Variants in ARHGEF2 observed in about 807,000 individuals in gnomAD.
ARHGEF2 encodes the protein rho guanine nucleotide exchange factor 2.
ARHGEF2 carries 22 observed loss-of-function variants against 121.0 expected under a neutral mutation model. The ratio of observed to expected loss-of-function variants is 0.18; its 90% confidence interval spans 0.13 to 0.26. The LOEUF is 0.26. Among genes scored for constraint, ARHGEF2 ranks in the 10% least tolerant of loss-of-function variants. ARHGEF2 has a pLI of 1.00. For missense variants in ARHGEF2, 907 were observed against 1,336.0 expected (o/e 0.68, Z 5.01); for synonymous variants, 487 against 530.0 (o/e 0.92, Z 1.11).
At chr1:155,954,995 A>G (rs1160412112) in intron 13 of ARHGEF2, 26 bp from the exon 14 acceptor site, 1 of 1,597,022 alleles carries the variant, frequency 6.3e-7, no homozygotes, top group East Asian at 2.2e-5. Flanking sequence ...GTCGCATGCC[A>G]TTGAGAGACA....
intron 1 of ARHGEF2, chr1:155,969,556 C>G: frequency 6.8e-6 from 9 of 1,332,240 alleles, no homozygotes; most frequent in Non-Finnish European, 8.7e-6. Context: ...GCTGGGCTGC[C>G]TCCTGTTGCC....
intron 13 of ARHGEF2, among the ~76,000 whole-genome samples, chr1:155,955,409 C>T (rs546803106): frequency 5.9e-5 from 9 of 152,006 alleles, no homozygotes; most frequent in Admixed American, 2.6e-4. Flanking sequence ...TGAGCCACCG[C>T]GCCCGGCCGA....
intron 1 of ARHGEF2, among the ~76,000 whole-genome samples, chr1:155,975,678 C>T (rs2102695903): frequency 6.6e-6 from 1 of 152,184 alleles, no homozygotes; most frequent in East Asian, 1.9e-4. Context: ...GCCACCTCTC[C>T]ATTCCTCAGA....
Position 155,951,614 on chromosome 1 carries a change from G to A in ARHGEF2, c.2209-81C>T. 3 of 1,607,746 alleles carry A rather than the reference G, an allele frequency of 1.9e-6. No individual in the cohort carries two copies. The highest frequency in any genetic ancestry group is 2.6e-6 in the Non-Finnish European group (3 of 1,174,328). ...AAAAGTTGAACAAGGGTGGGTGTGG[G>A]GACAGTAGGATCCGGAGACATACTT... On this transcript the variant is annotated intron_variant, in intron 18 of 21. Coordinates refer to ENST00000361247, the MANE Select transcript of ARHGEF2 (RefSeq NM_001162383.2). The surrounding 1 kb of genome is among the most constrained non-coding windows in gnomAD (Gnocchi z 5.1).
intron 1 of ARHGEF2, chr1:155,970,210 G>T: frequency 1.0e-6 from 1 of 985,468 alleles, no homozygotes; most frequent in Non-Finnish European, 1.2e-6. Flanking sequence ...CCATCCTTCA[G>T]TGTTGATCTC....
At chr1:155,968,994 A>T (rs1679971620) in intron 2 of ARHGEF2, 162 bp downstream of exon 2, 1 of 789,094 alleles carries the variant, frequency 1.3e-6, no homozygotes, top group East Asian at 2.7e-5. Context: ...CCTCAGAGTG[A>T]GGACAGGGAG....
chr1:155,971,093 C>G (rs1680367885), intron 1 of ARHGEF2: 1 of 985,962 alleles, frequency 1.0e-6, no homozygotes, highest in Non-Finnish European at 1.2e-6. Flanking sequence ...CTCCCCTCCT[C>G]CTCACGCAGG....
Position 155,966,702 on chromosome 1 carries a change from C to T in ARHGEF2, c.276+118G>A, listed in dbSNP as rs1043316485. ...GCCTGGGGTTGAGGGTCTGGGCTGCCCCTTGGTGAGGAGGTGGGTGGTGAG... is the reference window on the plus strand; with the variant it reads ...GCCTGGGGTTGAGGGTCTGGGCTGCTCCTTGGTGAGGAGGTGGGTGGTGAG... On this transcript the variant is annotated intron_variant, in intron 3 of 21. Transcript: ENST00000361247. The T allele has an allele frequency of 2.7e-5, 33 of 1,242,138 alleles. 1 individual carries two copies. Among genetic ancestry groups the T allele is most frequent in the Admixed American group, 6.9e-5 (4 of 58,226 alleles). The allele number at this position is 1,242,138 out of a possible 1,614,324, so 76.9% of individuals were successfully genotyped here.
chr1:155,947,808 G>T lies in ARHGEF2; in HGVS notation c.*134C>A. ...TTCTTAAATGGCCCCAGGTATCCAA[G>T]GATCCCAAGAGCTGGCAAGGACAAT... On this transcript the variant is annotated 3_prime_UTR_variant, in exon 22 of 22. Coordinates refer to ENST00000361247, the MANE Select transcript of ARHGEF2 (RefSeq NM_001162383.2). The T allele has an allele frequency of 1.7e-6, 1 of 596,222 alleles. No individual in the cohort carries two copies. The highest frequency in any genetic ancestry group is 3.0e-6 in the Non-Finnish European group (1 of 334,212). 36.9% of individuals were successfully genotyped at this position (596,222 alleles called of 1,614,324 possible). A position where few individuals can be genotyped will look rare whatever the true frequency, so the allele number is the denominator to read the frequency against.
In ARHGEF2 at chr1:155,951,155, C is replaced by T. The variant is rs749022729; in HGVS notation, c.2377G>A (p.Ala793Thr). 1.7e-5 allele frequency: 28 copies of T among 1,604,072 alleles called. No individual in the cohort carries two copies. Among genetic ancestry groups the T allele is most frequent in the Non-Finnish European group, 2.4e-5 (28 of 1,176,876 alleles). The change falls in exon 20 of 22, where the codon GCC (alanine) becomes ACC (threonine). Residue 793 changes from alanine to threonine, a missense_variant. This residue lies in a region of ARHGEF2 where 432 missense variants were observed against 559.5 expected (regional missense o/e 0.77). Transcript: ENST00000361247. The surrounding 1 kb of genome is among the most constrained non-coding windows in gnomAD (Gnocchi z 5.1). ...RDGEAGRAGAAPVAPEKQATE... is the reference protein window; with the variant it reads ...RDGEAGRAGATPVAPEKQATE... ...GCCTGCTTTTCAGGGGCCACAGGGG[C>T]AGCCCCAGCCCTGCCAGCCTCCCCA...
chr1:155,961,918 G>A lies in ARHGEF2; in HGVS notation c.1220-9C>T, dbSNP rs189652397. On this transcript the variant is annotated splice_polypyrimidine_tract_variant and intron_variant, in intron 10 of 21. Transcript: ENST00000361247. This position sits in a 1 kb window ranked among gnomAD's most constrained non-coding sequence, Gnocchi z 4.7. ...GCGCTCCTCCTCGATCCCTGGCACC[G>A]GGGGTTGGCATGGGGAACGGCTCAA... is the stretch of plus-strand genomic sequence containing the variant. 4.9e-5 allele frequency: 79 copies of A among 1,613,320 alleles called. 1 individual carries two copies. The highest frequency in any genetic ancestry group is 3.3e-4 in the Middle Eastern group (2 of 6,060).
At chr1:155,952,973 G>A in intron 14 of ARHGEF2, 145 bp from the exon 15 acceptor site, 4 of 769,376 alleles carry the variant, frequency 5.2e-6, no homozygotes, top group Non-Finnish European at 6.2e-6. Context: ...AAAAGAAAAA[G>A]CTTTCTGTTG....
Position 155,951,127 on chromosome 1 carries a change from G to A in ARHGEF2, c.2405C>T (p.Thr802Met), listed in dbSNP as rs1012251379. ...TTGCCGCTGCAGTAATGCCAGTTCC[G>A]TGGCCTGCTTTTCAGGGGCCACAGG... ...AAPVAPEKQA[T>M]ELALLQRQHA... Residue 802 changes from threonine (T) to methionine (M), a missense_variant, in exon 20 of 22, where the codon ACG becomes ATG. Physicochemically the swap from Thr to Met is moderately conservative, Grantham distance 81. Around this residue, in one of 2 missense-constraint regions of ARHGEF2, gnomAD observed 432 missense variants for 559.5 expected, o/e 0.77. Coordinates refer to ENST00000361247, the MANE Select transcript of ARHGEF2 (RefSeq NM_001162383.2). This position sits in a 1 kb window ranked among gnomAD's most constrained non-coding sequence, Gnocchi z 5.1. 5 of 1,604,372 alleles carry A rather than the reference G, an allele frequency of 3.1e-6. No homozygotes were observed. The highest frequency in any genetic ancestry group is 2.7e-5 in the African/African-American group (2 of 74,790).
At chr1:155,971,102 G>A (rs1228754663) in intron 1 of ARHGEF2, 7 of 985,670 alleles carry the variant, frequency 7.1e-6, no homozygotes, top group African/African-American at 1.7e-5. Flanking sequence ...TCCTCACGCA[G>A]GCCAACTGCT....
chr1:155,978,299 C>A lies in ARHGEF2; in HGVS notation c.63+66G>T. 2 of 1,406,292 alleles carry A rather than the reference C, an allele frequency of 1.4e-6. No homozygotes were observed. The highest frequency in any genetic ancestry group is 1.9e-6 in the Non-Finnish European group (2 of 1,057,786). The allele number at this position is 1,406,292 out of a possible 1,614,324, so 87.1% of individuals were successfully genotyped here. On this transcript the variant is annotated intron_variant, in intron 1 of 21. Transcript: ENST00000361247. This position sits in a 1 kb window ranked among gnomAD's most constrained non-coding sequence, Gnocchi z 4.1. ...GCAGGCGGGGAGACAGGAGATGCAC[C>A]GCGGGTGCCGGGGTTCGGGGAGCAC...
In ARHGEF2 at chr1:155,978,527, C is replaced by G. The variant is rs1453887608; in HGVS notation, c.-100G>C. The G allele has an allele frequency of 3.1e-6, 4 of 1,289,404 alleles. No individual in the cohort carries two copies. Among genetic ancestry groups the G allele is most frequent in the Middle Eastern group, 2.1e-4 (1 of 4,776 alleles). The allele number at this position is 1,289,404 out of a possible 1,614,324, so 79.9% of individuals were successfully genotyped here. A position where few individuals can be genotyped will look rare whatever the true frequency, so the allele number is the denominator to read the frequency against. ...GGGTTCGGCCCGCACGCGTTGGTCT[C>G]GGGGACAGGAAGTCTGACTCCCCTC... On this transcript the variant is annotated 5_prime_UTR_variant, in exon 1 of 22. Coordinates refer to ENST00000361247, the MANE Select transcript of ARHGEF2 (RefSeq NM_001162383.2). The surrounding 1 kb of genome is among the most constrained non-coding windows in gnomAD (Gnocchi z 4.1).
Position 155,947,894 on chromosome 1 carries a change from C to A in ARHGEF2, c.*48G>T. 1 of 1,213,814 alleles carries A rather than the reference C, an allele frequency of 8.2e-7. No individual in the cohort carries two copies. 75.2% of individuals were successfully genotyped at this position (1,213,814 alleles called of 1,614,324 possible). A position where few individuals can be genotyped will look rare whatever the true frequency, so the allele number is the denominator to read the frequency against. On this transcript the variant is annotated 3_prime_UTR_variant, in exon 22 of 22. Coordinates refer to ENST00000361247, the MANE Select transcript of ARHGEF2 (RefSeq NM_001162383.2). ...AATTGGAGTCCCCAAGGTTAGCCCCCTCAGTAATGTTCTTCAGTGGGGCAC... is the reference window on the plus strand; with the variant it reads ...AATTGGAGTCCCCAAGGTTAGCCCCATCAGTAATGTTCTTCAGTGGGGCAC...
In ARHGEF2 at chr1:155,962,454, G is replaced by A; in HGVS notation, c.1101+139C>T. The A allele has an allele frequency of 7.7e-7, 1 of 1,304,806 alleles. No homozygotes were observed. Among genetic ancestry groups the A allele is most frequent in the Non-Finnish European group, 1.1e-6 (1 of 938,558 alleles). 80.8% of individuals were successfully genotyped at this position (1,304,806 alleles called of 1,614,324 possible). A position where few individuals can be genotyped will look rare whatever the true frequency, so the allele number is the denominator to read the frequency against. The stretch of plus-strand genomic sequence containing the variant: ...TCTAGCATTCTGAGGGGTTACTGCT[G>A]ACAGGATCTGTGTATGGATGGTCTG... On this transcript the variant is annotated intron_variant, in intron 9 of 21. Coordinates refer to ENST00000361247, the MANE Select transcript of ARHGEF2 (RefSeq NM_001162383.2). The surrounding 1 kb of genome is among the most constrained non-coding windows in gnomAD (Gnocchi z 5.8).
chr1:155,975,735 A>G (rs1681188524), intron 1 of ARHGEF2, among the ~76,000 whole-genome samples: 1 of 152,038 alleles, frequency 6.6e-6, no homozygotes, highest in African/African-American at 2.4e-5. Flanking sequence ...CCTGCCCACC[A>G]CAGAGATTCC....
Sources: allele counts gnomAD v4.1 joint callset (sites outside exome capture counted in the v4.1 genomes callset), GRCh38; gene constraint gnomAD v4.1.1; regional missense constraint gnomAD v4.1.1; non-coding constraint Gnocchi (gnomAD v3.1); transcripts MANE v1.5; gene names NCBI Gene and HGNC (gene_info 2026-07-23, HGNC 2026-07-21).